Variants in RIMBP2 observed in about 807,000 individuals in gnomAD.
The protein encoded by RIMBP2 is RIMS binding protein 2.
Under a neutral mutation model 118.6 loss-of-function variants are expected in RIMBP2, and 48 were observed. The observed-to-expected ratio is 0.40, with a 90% CI of 0.32 to 0.51. RIMBP2 has a LOEUF of 0.51. RIMBP2 is among the 20% of genes least tolerant of loss of function. The probability of loss-of-function intolerance (pLI) is 0.41; values close to 1 mark genes in which losing one functional copy is unlikely to be tolerated. For missense variants in RIMBP2, 1,551 were observed against 1,768.3 expected (o/e 0.88, Z 2.20); for synonymous variants, 762 against 742.9 (o/e 1.03, Z -0.42).
In RIMBP2 at chr12:130,447,386, C is replaced by T. The variant is rs1367404892; in HGVS notation, c.582-2117G>A. Among the ~76,000 whole-genome samples the T allele has an allele frequency of 1.3e-5, 2 of 152,108 alleles. No homozygotes were observed. The highest frequency in any genetic ancestry group is 2.1e-4 in the South Asian group (1 of 4,830). ...CGACCTCGTGGGTGTTCAGGGCAGA[C>T]GCTGCCACGTACTGTGTGGATGAGA... On this transcript the variant is annotated intron_variant, in intron 9 of 22. Transcript: ENST00000690449. The surrounding 1 kb of genome is among the most constrained non-coding windows in gnomAD (Gnocchi z 4.4).
chr12:130,658,935 T>C (rs11061061), intron 1 of RIMBP2: 78,524 of 150,866 alleles, frequency 0.52, 21,323 homozygotes, highest in Non-Finnish European at 0.62. Context: ...CCTCACTCAA[T>C]CTCCCTTCCT....
chr12:130,479,808 G>A (rs1309544856), intron 4 of RIMBP2, among the ~76,000 whole-genome samples: 1 of 151,670 alleles, frequency 6.6e-6, no homozygotes, highest in East Asian at 2.0e-4. Context: ...TCCTGGCTCT[G>A]TCCTCTCCCC....
At chr12:130,451,695 T>C (rs1566063015) in intron 7 of RIMBP2, among the ~76,000 whole-genome samples, 1 of 152,248 alleles carries the variant, frequency 6.6e-6, no homozygotes, top group East Asian at 1.9e-4. Context: ...GCAAACCTCC[T>C]GCACCTGCGA....
intron 14 of RIMBP2, chr12:130,430,547 C>T (rs1296208604): frequency 6.6e-6 from 1 of 151,576 alleles, no homozygotes; most frequent in Non-Finnish European, 1.5e-5. Context: ...CTTTCGGTTA[C>T]ATGTGGAGCA....
chr12:130,676,545 C>A (rs1011664007), intron 1 of RIMBP2, among the ~76,000 whole-genome samples: 1 of 151,852 alleles, frequency 6.6e-6, no homozygotes, highest in South Asian at 2.1e-4. Flanking sequence ...ATCGCTTGAA[C>A]CCGGGAGGTG....
At chr12:130,444,695 C>G (rs2137225383) in intron 10 of RIMBP2, among the ~76,000 whole-genome samples, 1 of 152,322 alleles carries the variant, frequency 6.6e-6, no homozygotes, top group East Asian at 1.9e-4. Flanking sequence ...AAGTTGACAA[C>G]AGTGCCTTGA....
chr12:130,406,339 A>G, intron 20 of RIMBP2, 96 bp from the exon 21 acceptor site: 1 of 762,236 alleles, frequency 1.3e-6, no homozygotes, highest in Non-Finnish European at 2.2e-6. Flanking sequence ...ACTATTTGAG[A>G]ATTTCTGGTA....
In RIMBP2 at chr12:130,442,377, T is replaced by C; in HGVS notation, c.975A>G (p.Gln325=). The change falls in exon 11 of 23, where the codon CAA becomes CAG. Residue 325 remains glutamine (Q), a synonymous_variant. Coordinates refer to ENST00000690449, the MANE Select transcript of RIMBP2 (RefSeq NM_001393629.1). This position sits in a 1 kb window ranked among gnomAD's most constrained non-coding sequence, Gnocchi z 6.9. ...AGCCCACAATAACACTTTTGGCGAGTTGTTTGATGAGGGTGATTTTTCTAG... is the reference window on the plus strand; with the variant it reads ...AGCCCACAATAACACTTTTGGCGAGCTGTTTGATGAGGGTGATTTTTCTAG... The part of the protein sequence containing the change: ...PYPRKITLIK[Q]LAKSVIVGWE... 6.2e-7 allele frequency: 1 copy of C among 1,613,736 alleles called. No individual in the cohort carries two copies. Among genetic ancestry groups the C allele is most frequent in the Non-Finnish European group, 8.5e-7 (1 of 1,179,946 alleles).
chr12:130,527,748 G>GAA (rs151150103), intron 2 of RIMBP2, among the ~76,000 whole-genome samples: 12,753 of 131,194 alleles, frequency 0.097, 686 homozygotes, highest in South Asian at 0.19. Context: ...ACTTACAAGA[G>GAA]AAAAAAAAAA....
intron 7 of RIMBP2, among the ~76,000 whole-genome samples, chr12:130,453,802 C>T (rs1399067601): frequency 6.6e-6 from 1 of 152,144 alleles, no homozygotes; most frequent in Non-Finnish European, 1.5e-5. Flanking sequence ...ACCTGTAATC[C>T]CAGCACTTTG....
At chr12:130,672,493 C>G (rs1042269530) in intron 1 of RIMBP2, among the ~76,000 whole-genome samples, 2 of 152,208 alleles carry the variant, frequency 1.3e-5, no homozygotes, top group Non-Finnish European at 2.9e-5. Context: ...CCACTTAGGA[C>G]CTTGTGTCTC....
intron 12 of RIMBP2, 30 bp downstream of exon 12, chr12:130,438,335 A>ACGGGGGCCCCCCCC: frequency 3.5e-6 from 3 of 865,010 alleles, no homozygotes; most frequent in East Asian, 2.8e-5. Flanking sequence ...GGCCTAACAA[A>ACGGGGGCCCCCCCC]CCCTCCCCAC....
Position 130,710,421 on chromosome 12 carries a change from T to TGCACACACACACATACACGCAGGC in RIMBP2, c.-352+5777_-352+5800dup, listed in dbSNP as rs1949826765. ...ATTCACTTGCCCGTTGTCTTACACA[T>TGCACACACACACATACACGCAGGC]GCACACACACACATACACGCAGGCG... On this transcript the variant is annotated intron_variant, in intron 1 of 22. Coordinates refer to ENST00000690449, the MANE Select transcript of RIMBP2 (RefSeq NM_001393629.1). This position sits in a 1 kb window ranked among gnomAD's most constrained non-coding sequence, Gnocchi z 4.3. Among the ~76,000 whole-genome samples the TGCACACACACACATACACGCAGGC allele has an allele frequency of 6.6e-6, 1 of 151,412 alleles. No individual in the cohort carries two copies. The highest frequency in any genetic ancestry group is 1.5e-5 in the Non-Finnish European group (1 of 67,978).
chr12:130,477,868 G>C (rs1347231195), intron 5 of RIMBP2, among the ~76,000 whole-genome samples: 1 of 152,248 alleles, frequency 6.6e-6, no homozygotes, highest in Non-Finnish European at 1.5e-5. Flanking sequence ...CGGGCGGGAG[G>C]CTGCAGACCA....
intron 4 of RIMBP2, among the ~76,000 whole-genome samples, chr12:130,497,582 C>T (rs1210272980): frequency 6.6e-6 from 1 of 152,212 alleles, no homozygotes; most frequent in African/African-American, 2.4e-5. Context: ...GTTGCAGTCC[C>T]TTTACCCAGG....
intron 1 of RIMBP2, among the ~76,000 whole-genome samples, chr12:130,713,622 C>T (rs544029961): frequency 2.0e-5 from 3 of 152,222 alleles, no homozygotes; most frequent in Non-Finnish European, 2.9e-5. Context: ...GGTTCTCCCC[C>T]GGGTTCCCAG....
intron 1 of RIMBP2, among the ~76,000 whole-genome samples, chr12:130,713,272 A>AGGAAGGAAGGAAGGAAGGAAGGAAGGAC (rs1391881328): frequency 7.1e-6 from 1 of 140,402 alleles, no homozygotes. Context: ...GAAGGAAGGA[A>AGGAAGGAAGGAAGGAAGGAAGGAAGGAC]GGACTGAGGA....
intron 2 of RIMBP2, among the ~76,000 whole-genome samples, chr12:130,583,000 G>A (rs1259490671): frequency 6.6e-6 from 1 of 152,158 alleles, no homozygotes; most frequent in Non-Finnish European, 1.5e-5. Flanking sequence ...ATGTTCAAGG[G>A]GCAGATATAA....
intron 1 of RIMBP2, among the ~76,000 whole-genome samples, chr12:130,715,823 G>C (rs1028750322): frequency 3.3e-5 from 5 of 151,890 alleles, no homozygotes; most frequent in African/African-American, 9.7e-5. Context: ...GAGAAGCCTG[G>C]GGCGCACTCC....
Sources: allele counts gnomAD v4.1 joint callset (sites outside exome capture counted in the v4.1 genomes callset), GRCh38; gene constraint gnomAD v4.1.1; non-coding constraint Gnocchi (gnomAD v3.1); transcripts MANE v1.5; gene names NCBI Gene and HGNC (gene_info 2026-07-23, HGNC 2026-07-21).